Variants in NOBOX observed in about 807,000 individuals in gnomAD.
NOBOX encodes the protein NOBOX oogenesis homeobox.
NOBOX carries 46 observed loss-of-function variants against 60.2 expected under a neutral mutation model. The observed-to-expected ratio is 0.76, with a 90% CI of 0.60 to 0.98. NOBOX has a LOEUF of 0.98. NOBOX is among the 50% of genes least tolerant of loss of function. The probability of loss-of-function intolerance (pLI) is 0.00; values close to 1 mark genes in which losing one functional copy is unlikely to be tolerated. For missense variants in NOBOX, 880 were observed against 865.5 expected (o/e 1.02, Z -0.21); for synonymous variants, 360 against 346.3 (o/e 1.04, Z -0.44).
At chr7:144,399,540 C>T (rs1450985137) in intron 6 of NOBOX, 58 bp from the exon 5 acceptor site, 3 of 1,400,334 alleles carry the variant, frequency 2.1e-6, no homozygotes, top group African/African-American at 2.9e-5. Flanking sequence ...TGCACAGGTG[C>T]CTCATTGCCA....
At chr7:144,399,686 G>T in intron 6 of NOBOX, 71 bp downstream of exon 4, 1 of 1,325,442 alleles carries the variant, frequency 7.5e-7, no homozygotes, top group East Asian at 2.5e-5. Flanking sequence ...TCTCCTTCTA[G>T]ACCCTCAGGA....
At position 144,401,051 on chromosome 7, in the gene NOBOX, C is replaced by T. The variant is rs1029551934; in HGVS notation, c.839G>A (p.Arg280His). 5.9e-6 allele frequency: 9 copies of T among 1,513,028 alleles called. No individual in the cohort carries two copies. Among genetic ancestry groups the T allele is most frequent in the Admixed American group, 2.2e-5 (1 of 44,450 alleles). 93.7% of individuals were successfully genotyped at this position (1,513,028 alleles called of 1,614,324 possible). A position where few individuals can be genotyped will look rare whatever the true frequency, so the allele number is the denominator to read the frequency against. ...TCCTCTCTTTAGGGACTTACCTGAG[C>T]GGTATAGGGTTCGTGTCTTTTTCCT... The change falls in exon 4 of 10, where the codon CGC becomes CAC. Residue 280 changes from arginine (R) to histidine (H), a missense_variant. Physicochemically the swap from Arg to His is conservative, Grantham distance 29. Coordinates refer to ENST00000467773, the MANE Select transcript of NOBOX (RefSeq NM_001080413.3). The surrounding 1 kb of genome is among the most constrained non-coding windows in gnomAD (Gnocchi z 4.2).
chr7:144,408,265 C>T (rs1215796395), intron 1 of NOBOX, among the ~76,000 whole-genome samples: 7 of 145,688 alleles, frequency 4.8e-5, no homozygotes, highest in Admixed American at 2.1e-4. Flanking sequence ...CTGGCAAAGT[C>T]TTACTCATCC....
At chr7:144,405,071 A>G (rs2053976232) in intron 1 of NOBOX, among the ~76,000 whole-genome samples, 1 of 152,194 alleles carries the variant, frequency 6.6e-6, no homozygotes, top group African/African-American at 2.4e-5. Context: ...CTTGGCCTAC[A>G]CATGTGGACT....
At chr7:144,402,120 G>C (rs1291843975) in intron 2 of NOBOX, among the ~76,000 whole-genome samples, 2 of 152,110 alleles carry the variant, frequency 1.3e-5, no homozygotes, top group Admixed American at 1.3e-4. Context: ...AGATAACAGG[G>C]AGAACCATGG....
intron 6 of NOBOX, 95 bp from the exon 5 acceptor site, chr7:144,399,577 C>T: frequency 8.2e-7 from 1 of 1,214,636 alleles, no homozygotes; most frequent in Non-Finnish European, 1.2e-6. Flanking sequence ...CCAAACTCTG[C>T]CTCCTACAGG....
intron 2 of NOBOX, among the ~76,000 whole-genome samples, chr7:144,404,193 T>C (rs1391972361): frequency 1.3e-5 from 2 of 152,216 alleles, no homozygotes; most frequent in East Asian, 3.8e-4. Flanking sequence ...CCAACTCCCA[T>C]GCTAGGGCCC....
Position 144,401,347 on chromosome 7 carries a change from CT to C in NOBOX, c.542del (p.Gln181ArgfsTer12). The C allele has an allele frequency of 6.2e-7, 1 of 1,613,758 alleles. No homozygotes were observed. Reference sequence around the variant, plus strand: ...CCACTGGGAGGGAACAATCTTCCCCCTGAGTCTGGGGCCTGGAGCGGGCTAG... The same window carrying C: ...CCACTGGGAGGGAACAATCTTCCCCCGAGTCTGGGGCCTGGAGCGGGCTAG... On this transcript the variant is annotated frameshift_variant, in exon 4 of 10. Coordinates refer to ENST00000467773, the MANE Select transcript of NOBOX (RefSeq NM_001080413.3). LOFTEE classifies it high-confidence loss of function. The surrounding 1 kb of genome is among the most constrained non-coding windows in gnomAD (Gnocchi z 4.2).
intron 1 of NOBOX, among the ~76,000 whole-genome samples, chr7:144,406,978 A>G (rs1014110250): frequency 1.3e-5 from 2 of 151,666 alleles, no homozygotes; most frequent in Non-Finnish European, 2.9e-5. Flanking sequence ...TTTAGAGGAC[A>G]GGGAGGTATT....
Position 144,401,900 on chromosome 7 carries a change from G to A in NOBOX, c.261C>T (p.Pro87=). The change falls in exon 3 of 10, where the codon CCC becomes CCT. Residue 87 remains proline, a synonymous_variant. Coordinates refer to ENST00000467773, the MANE Select transcript of NOBOX (RefSeq NM_001080413.3). This position sits in a 1 kb window ranked among gnomAD's most constrained non-coding sequence, Gnocchi z 4.2. Reference sequence around the variant, plus strand: ...TGAGTTCCCTTTTCCCAGACACCAGGGGTATGAGTTTGAGGGACTGTTCAG... The same window carrying A: ...TGAGTTCCCTTTTCCCAGACACCAGAGGTATGAGTTTGAGGGACTGTTCAG... The A allele has an allele frequency of 6.2e-7, 1 of 1,612,652 alleles. No homozygotes were observed. The highest frequency in any genetic ancestry group is 1.1e-5 in the South Asian group (1 of 91,028).
chr7:144,404,790 A>G, intron 1 of NOBOX: 2 of 1,229,400 alleles, frequency 1.6e-6, no homozygotes, highest in South Asian at 1.4e-5. Flanking sequence ...GTGCAGCCTT[A>G]TGATTCCTGG....
chr7:144,401,385 T>C lies in NOBOX; in HGVS notation c.505A>G (p.Lys169Glu), dbSNP rs748269934. The C allele has an allele frequency of 2.5e-6, 4 of 1,613,692 alleles. No individual in the cohort carries two copies. The South Asian group carries it at 3.3e-5, about 13-fold the overall frequency. ...CTGGAGCGGGCTAGAGTTCTGTCTT[T>C]GTGGGGAGCCCTGGAGCGGGGGGGC... Residue 169 changes from lysine to glutamate, a missense_variant, in exon 4 of 10, where the codon AAA becomes GAA. Coordinates refer to ENST00000467773, the MANE Select transcript of NOBOX (RefSeq NM_001080413.3). This position sits in a 1 kb window ranked among gnomAD's most constrained non-coding sequence, Gnocchi z 4.2.
Position 144,397,552 on chromosome 7 carries a change from G to A in NOBOX, c.1775-11C>T, listed in dbSNP as rs745952977. The A allele has an allele frequency of 1.5e-5, 23 of 1,506,306 alleles. No homozygotes were observed. Among genetic ancestry groups the A allele is most frequent in the Admixed American group, 1.0e-4 (5 of 47,908 alleles). The allele number at this position is 1,506,306 out of a possible 1,614,324, so 93.3% of individuals were successfully genotyped here. The stretch of plus-strand genomic sequence containing the variant: ...TCCAGGAGGCTGTACCTGTGGGGTC[G>A]GAGGGTGTAGGAATTACCAGACAGG... On this transcript the variant is annotated splice_polypyrimidine_tract_variant and intron_variant, in intron 9 of 9. Transcript: ENST00000467773.
chr7:144,399,639 C>T, intron 6 of NOBOX, 118 bp downstream of exon 4: 7 of 1,148,754 alleles, frequency 6.1e-6, no homozygotes, highest in Non-Finnish European at 8.9e-6. Context: ...TAAATCTTAG[C>T]TGGCAACCCT....
intron 2 of NOBOX, 147 bp downstream of exon 1, chr7:144,403,510 T>TCC: frequency 2.9e-6 from 1 of 349,464 alleles, no homozygotes; most frequent in South Asian, 2.5e-5. Context: ...GTCGGCCTCC[T>TCC]CCCACCCTAC....
chr7:144,404,510 A>C, intron 2 of NOBOX: 1 of 1,564,274 alleles, frequency 6.4e-7, no homozygotes, highest in Non-Finnish European at 8.7e-7. Context: ...GGGCTTCCCA[A>C]ACTGCTGGAA....
At chr7:144,400,970 G>A (rs1416305494) in intron 4 of NOBOX, 76 bp downstream of exon 2, 23 of 1,273,746 alleles carry the variant, frequency 1.8e-5, no homozygotes, top group Non-Finnish European at 2.4e-5. Flanking sequence ...TCTCCTGGGG[G>A]TAGATTCTTC....
chr7:144,408,209 C>T (rs1248711527), intron 1 of NOBOX, among the ~76,000 whole-genome samples: 1 of 151,628 alleles, frequency 6.6e-6, no homozygotes, highest in Non-Finnish European at 1.5e-5. Context: ...CTCAGGGTCA[C>T]TGATCAAGCT....
chr7:144,400,149 T>TTTAATGG lies in NOBOX; in HGVS notation c.1007_1008insCCATTAA (p.Glu336AspfsTer3). On this transcript the variant is annotated stop_gained and frameshift_variant, in exon 5 of 10. Transcript: ENST00000467773. LOFTEE classifies it high-confidence loss of function. ...AGCGCTCACTCTGCAATTCGAGTGT[T>TTTAATGG]TCAATGGTGGGCCCTCCGCCACTCC... is the stretch of plus-strand genomic sequence containing the variant. 2 of 1,613,890 alleles carry TTTAATGG rather than the reference T, an allele frequency of 1.2e-6. No homozygotes were observed. Among genetic ancestry groups the TTTAATGG allele is most frequent in the Non-Finnish European group, 1.7e-6 (2 of 1,179,900 alleles).
Sources: allele counts gnomAD v4.1 joint callset (sites outside exome capture counted in the v4.1 genomes callset), GRCh38; gene constraint gnomAD v4.1.1; non-coding constraint Gnocchi (gnomAD v3.1); transcripts MANE v1.5; gene names NCBI Gene and HGNC (gene_info 2026-07-23, HGNC 2026-07-21).